TMC2: variants seen among roughly 807,000 people sequenced by gnomAD.
TMC2 encodes transmembrane channel like 2, also known as transmembrane channel-like protein 2.
A neutral mutation model predicts 105.9 loss-of-function variants in TMC2; 102 were observed. That is an observed-to-expected ratio of 0.96 (90% CI 0.82 to 1.14). TMC2 has a LOEUF of 1.14. Among genes scored for constraint, TMC2 ranks in the 50% most tolerant of loss-of-function variants. The pLI, the probability that TMC2 is intolerant of heterozygous loss-of-function variation, is 0.00. For synonymous variants in TMC2, 402 were observed against 422.8 expected (o/e 0.95, Z 0.60); for missense variants, 1,093 against 1,134.3 (o/e 0.96, Z 0.52).
rs1299359798 is a variant in TMC2, at chr20:2,536,626, G to A, written c.5G>A (p.Ser2Asn). 4 of 1,573,830 alleles carry A rather than the reference G, an allele frequency of 2.5e-6. No homozygotes were observed. In the South Asian group the frequency reaches 3.5e-5, roughly 14 times the overall value. ...ACCCCAGCAGTGCTGCTGACCATGAGCCACCAGGTAAAGGGCCTGAAAGAG... is the reference window on the plus strand; with the variant it reads ...ACCCCAGCAGTGCTGCTGACCATGAACCACCAGGTAAAGGGCCTGAAAGAG... M[S>N]HQVKGLKEEA... Residue 2 changes from serine (S) to asparagine (N), a missense_variant, in exon 1 of 20, where the codon AGC becomes AAC. Physicochemically the swap from Ser to Asn is conservative, Grantham distance 46. Coordinates refer to ENST00000358864, the MANE Select transcript of TMC2 (RefSeq NM_080751.3).
chr20:2,561,810 C>T lies in TMC2; in HGVS notation c.402-48C>T, dbSNP rs1182305055. ...CTCATTCCACAGCACCTGAGGACAC[C>T]ACCTCCTTTCCAACTTCCCTCTGCC... On this transcript the variant is annotated intron_variant, in intron 3 of 19. Coordinates refer to ENST00000358864, the MANE Select transcript of TMC2 (RefSeq NM_080751.3). The T allele has an allele frequency of 2.5e-6, 4 of 1,587,200 alleles. No individual in the cohort carries two copies. The Admixed American group carries it at 5.3e-5, about 21-fold the overall frequency.
intron 4 of TMC2, among the ~76,000 whole-genome samples, chr20:2,568,477 G>A (rs1283982307): frequency 6.6e-6 from 1 of 152,200 alleles, no homozygotes; most frequent in Non-Finnish European, 1.5e-5. Flanking sequence ...TTTGCTGGAT[G>A]TCTGGACACA....
chr20:2,550,746 C>T (rs1322569898), intron 2 of TMC2, among the ~76,000 whole-genome samples: 1 of 152,202 alleles, frequency 6.6e-6, no homozygotes, highest in Non-Finnish European at 1.5e-5. Flanking sequence ...CAGCATATAA[C>T]CTTTTCATAT....
chr20:2,616,182 A>T lies in TMC2; in HGVS notation c.1918A>T (p.Ile640Phe), dbSNP rs1382115957. 7 of 1,613,380 alleles carry T rather than the reference A, an allele frequency of 4.3e-6. No homozygotes were observed. The highest frequency in any genetic ancestry group is 5.9e-6 in the Non-Finnish European group (7 of 1,179,604). Residue 640 changes from isoleucine to phenylalanine, a missense_variant, in exon 15 of 20, where the codon ATC becomes TTC. Transcript: ENST00000358864. The surrounding 1 kb of genome is among the most constrained non-coding windows in gnomAD (Gnocchi z 4.8). ...FDISGNVLGL[I>F]FNQGMIWMGS... ...TATTAGTGGAAATGTGCTGGGTTTG[A>T]TCTTCAACCAAGGAATGATCTGGTG...
At chr20:2,547,313 T>C (rs1392155780) in intron 2 of TMC2, among the ~76,000 whole-genome samples, 1 of 152,210 alleles carries the variant, frequency 6.6e-6, no homozygotes, top group Non-Finnish European at 1.5e-5. Context: ...TAACTGATAA[T>C]TCTACTGTTG....
chr20:2,574,150 T>C lies in TMC2; in HGVS notation c.645+1881T>C, dbSNP rs141559454. Among the ~76,000 whole-genome samples the C allele has an allele frequency of 5.5e-4, 84 of 152,398 alleles. 1 individual carries two copies. The East Asian group carries it at 0.016, about 28-fold the overall frequency. ...GTTGTTTAGTAAGACTTCCATTTCA[T>C]TGGAAATAGATAATTAGGTTTTATT... On this transcript the variant is annotated intron_variant, in intron 5 of 19. Transcript: ENST00000358864.
chr20:2,536,867 G>T (rs1320122798), intron 1 of TMC2, among the ~76,000 whole-genome samples: 1 of 152,210 alleles, frequency 6.6e-6, no homozygotes, highest in South Asian at 2.1e-4. Flanking sequence ...TCCTTGCAGG[G>T]CTACTGGAAG....
Position 2,544,122 on chromosome 20 carries a change from G to A in TMC2, c.82+6806G>A, listed in dbSNP as rs903096459. 3.4e-5 allele frequency among the ~76,000 whole-genome samples: 5 copies of A among 149,054 alleles called. No homozygotes were observed. In the South Asian group the frequency reaches 1.1e-3, roughly 32 times the overall value. On this transcript the variant is annotated intron_variant, in intron 2 of 19. Coordinates refer to ENST00000358864, the MANE Select transcript of TMC2 (RefSeq NM_080751.3). ...GTAGAGACGGGGTTTCACCATGTTG[G>A]TTAGGCTGGTCTCGAACTCCTGACC...
intron 7 of TMC2, among the ~76,000 whole-genome samples, chr20:2,581,592 G>A (rs1053589215): frequency 3.9e-5 from 6 of 152,130 alleles, no homozygotes; most frequent in Admixed American, 1.3e-4. Context: ...TGTTTTCCTC[G>A]GTAGTCAATG....
At chr20:2,557,560 C>T (rs576364212) in intron 2 of TMC2, among the ~76,000 whole-genome samples, 11 of 152,240 alleles carry the variant, frequency 7.2e-5, no homozygotes, top group South Asian at 2.1e-4. Flanking sequence ...GATGGAGTCT[C>T]GCTCTTGTCG....
chr20:2,553,736 T>C (rs1295801419), intron 2 of TMC2, among the ~76,000 whole-genome samples: 1 of 152,226 alleles, frequency 6.6e-6, no homozygotes, highest in African/African-American at 2.4e-5. Flanking sequence ...CGAGACAATT[T>C]CTTTAATAAA....
At position 2,561,951 on chromosome 20, in the gene TMC2, G is replaced by A; in HGVS notation, c.495G>A (p.Lys165=). Residue 165 remains lysine (K), a synonymous_variant, in exon 4 of 20, where the codon AAG becomes AAA. Transcript: ENST00000358864. ...QILEQVEEKK[K]LIATMRSKPW... is the part of the protein sequence containing the mutation. ...TGGAGCAGGTGGAAGAAAAAAAGAA[G>A]CTCATTGCCACCATGCGGAGCAAGC... 1 of 1,614,260 alleles carries A rather than the reference G, an allele frequency of 6.2e-7. No individual in the cohort carries two copies. Among genetic ancestry groups the A allele is most frequent in the South Asian group, 1.1e-5 (1 of 91,090 alleles).
At chr20:2,610,735 A>C in intron 12 of TMC2, 137 bp downstream of exon 12, 1 of 494,030 alleles carries the variant, frequency 2.0e-6, no homozygotes, top group African/African-American at 2.1e-5. Flanking sequence ...ATTAAAAAAA[A>C]ACTCCTTGGA....
chr20:2,610,720 ATAAAAT>A (rs1238888822), intron 12 of TMC2, 122 bp downstream of exon 12: 1 of 597,580 alleles, frequency 1.7e-6, no homozygotes, highest in Non-Finnish European at 2.3e-6. Flanking sequence ...ATTAAGAAAA[ATAAAAT>A]TAAAAAAAAA....
At position 2,572,328 on chromosome 20, in the gene TMC2, C is replaced by T. The variant is rs11906105; in HGVS notation, c.645+59C>T. The stretch of plus-strand genomic sequence containing the variant: ...GGGCTTGCTCAGCTTTGGAATCTGG[C>T]GACCAACTTCGGCAACTGCCCAGCT... On this transcript the variant is annotated intron_variant, in intron 5 of 19. Transcript: ENST00000358864. 1.7e-5 allele frequency: 24 copies of T among 1,387,220 alleles called. 1 individual carries two copies. Among genetic ancestry groups the T allele is most frequent in the Middle Eastern group, 2.0e-4 (1 of 4,968 alleles). 85.9% of individuals were successfully genotyped at this position (1,387,220 alleles called of 1,614,324 possible).
intron 4 of TMC2, among the ~76,000 whole-genome samples, chr20:2,565,897 G>A (rs987469507): frequency 2.6e-5 from 4 of 152,170 alleles, no homozygotes; most frequent in African/African-American, 4.8e-5. Context: ...AAAGTTAGCC[G>A]GGCGTGGTGG....
intron 6 of TMC2, among the ~76,000 whole-genome samples, chr20:2,579,450 C>T (rs2086172874): frequency 6.6e-6 from 1 of 151,294 alleles, no homozygotes; most frequent in Non-Finnish European, 1.5e-5. Context: ...GAGACAGAGT[C>T]TCGCTCTGTT....
intron 12 of TMC2, 67 bp downstream of exon 12, chr20:2,610,665 T>C (rs968972636): frequency 1.0e-6 from 1 of 956,248 alleles, no homozygotes; most frequent in African/African-American, 1.7e-5. Context: ...TTTTTTAATA[T>C]AATAATTTCA....
chr20:2,617,209 A>G lies in TMC2; in HGVS notation c.2078A>G (p.Asn693Ser), dbSNP rs1275934237. 2 of 1,613,878 alleles carry G rather than the reference A, an allele frequency of 1.2e-6. No homozygotes were observed. The highest frequency in any genetic ancestry group is 1.7e-5 in the Admixed American group (1 of 59,984). The part of the protein sequence containing the change: ...ERVFKASRSN[N>S]FYMGLLLLVL... Reference sequence around the variant, plus strand: ...GTGTTCAAAGCCTCCCGATCCAACAACTTCTACATGGGCCTCCTGCTGCTG... The same window carrying G: ...GTGTTCAAAGCCTCCCGATCCAACAGCTTCTACATGGGCCTCCTGCTGCTG... The change falls in exon 16 of 20, where the codon AAC becomes AGC. Residue 693 changes from asparagine (N) to serine (S), a missense_variant. Asn to Ser is a conservative substitution (Grantham distance 46, BLOSUM62 1). Transcript: ENST00000358864.
Sources: allele counts gnomAD v4.1 joint callset (sites outside exome capture counted in the v4.1 genomes callset), GRCh38; gene constraint gnomAD v4.1.1; non-coding constraint Gnocchi (gnomAD v3.1); transcripts MANE v1.5; gene names NCBI Gene and HGNC (gene_info 2026-07-23, HGNC 2026-07-21).